The following NBAS variants were observed in gnomAD, a reference collection of about 807,000 sequenced individuals.
NBAS encodes NBAS subunit of NRZ tethering complex.
Under a neutral mutation model 302.5 loss-of-function variants are expected in NBAS, and 219 were observed. That is an observed-to-expected ratio of 0.72 (90% confidence interval 0.65 to 0.81). The LOEUF is 0.81. NBAS is among the 30% of genes least tolerant of loss of function. NBAS has a pLI of 0.00. For missense variants in NBAS, 2,932 were observed against 2,841.6 expected, an observed-to-expected ratio of 1.03 and a Z score of -0.72; for synonymous variants, 1,118 against 1,021.6, an observed-to-expected ratio of 1.09 and a Z score of -1.80.
intron 48 of NBAS, among the ~76,000 whole-genome samples, chr2:15,207,039 G>C (rs1222128373): frequency 6.6e-6 from 1 of 152,178 alleles, no homozygotes; most frequent in African/African-American, 2.4e-5. Context: ...TTCACCTACA[G>C]CTTGCACTGT....
chr2:15,123,487 A>C, the NBAS span, among the ~76,000 whole-genome samples: 8 of 152,158 alleles, frequency 5.3e-5, no homozygotes, highest in Non-Finnish European at 1.0e-4. Flanking sequence ...TACTAAAGGA[A>C]CATTTGTGGT....
the NBAS span, among the ~76,000 whole-genome samples, chr2:15,086,250 C>A: frequency 6.6e-6 from 1 of 152,156 alleles, no homozygotes; most frequent in Non-Finnish European, 1.5e-5. Context: ...CCCAGGGTCT[C>A]CCCTCTGAGA....
the NBAS span, among the ~76,000 whole-genome samples, chr2:14,811,249 A>C: frequency 6.6e-6 from 1 of 152,130 alleles, no homozygotes; most frequent in African/African-American, 2.4e-5. Flanking sequence ...ATCTACTAAC[A>C]AAACAAATTA....
At chr2:15,314,387 A>AC (rs1308265942) in intron 38 of NBAS, among the ~76,000 whole-genome samples, 2 of 152,148 alleles carry the variant, frequency 1.3e-5, no homozygotes, top group African/African-American at 4.8e-5. Context: ...AACAACAACA[A>AC]AAAACAAGTA....
chr2:15,183,965 C>G (rs938708607), intron 50 of NBAS, among the ~76,000 whole-genome samples: 9 of 152,154 alleles, frequency 5.9e-5, no homozygotes, highest in Admixed American at 3.9e-4. Flanking sequence ...AGTACCTCCC[C>G]CTGGCTGTAG....
At chr2:15,270,845 T>A (rs189094261) in intron 44 of NBAS, among the ~76,000 whole-genome samples, 1 of 152,218 alleles carries the variant, frequency 6.6e-6, no homozygotes, top group Admixed American at 6.5e-5. Flanking sequence ...ATATGGCACA[T>A]AGCAAATGCC....
chr2:15,364,742 G>A (rs985308308), intron 32 of NBAS, among the ~76,000 whole-genome samples: 2 of 152,090 alleles, frequency 1.3e-5, no homozygotes, highest in Admixed American at 6.5e-5. Context: ...ACCCAGACAT[G>A]TGAGTAATGC....
intron 49 of NBAS, among the ~76,000 whole-genome samples, chr2:15,187,899 A>T (rs1251777241): frequency 6.6e-6 from 1 of 152,306 alleles, no homozygotes; most frequent in Non-Finnish European, 1.5e-5. Context: ...CAAACTGACA[A>T]TCTGTGCGAA....
chr2:15,316,875 T>TGG (rs1343382718), intron 38 of NBAS, among the ~76,000 whole-genome samples: 2 of 152,130 alleles, frequency 1.3e-5, no homozygotes, highest in African/African-American at 4.8e-5. Context: ...AGAGCAGTGG[T>TGG]TCTCCCAGCA....
intron 19 of NBAS, among the ~76,000 whole-genome samples, chr2:15,462,310 A>G (rs1357931709): frequency 2.3e-4 from 35 of 152,202 alleles, no homozygotes. Context: ...ATCTAGTAGG[A>G]AAGACCAGGA....
At chr2:15,511,464 T>C (rs1483661321) in intron 9 of NBAS, 114 bp from the exon 10 acceptor site, 1 of 897,352 alleles carries the variant, frequency 1.1e-6, no homozygotes, top group South Asian at 1.5e-5. Flanking sequence ...ACTATTAATA[T>C]ATGTTAAACC....
intron 9 of NBAS, among the ~76,000 whole-genome samples, chr2:15,521,684 T>A (rs1662679032): frequency 6.6e-6 from 1 of 152,226 alleles, no homozygotes; most frequent in Non-Finnish European, 1.5e-5. Context: ...GATACAGTTC[T>A]AAGACAGGGT....
chr2:15,415,809 G>C (rs1676903301), intron 24 of NBAS, 90 bp from the exon 25 acceptor site: 2 of 1,379,520 alleles, frequency 1.4e-6, no homozygotes, highest in African/African-American at 1.4e-5. Context: ...AAAGCTTACA[G>C]GTCCTCAGAC....
At chr2:14,978,364 T>C in the NBAS span, among the ~76,000 whole-genome samples, 1 of 152,342 alleles carries the variant, frequency 6.6e-6, no homozygotes, top group Admixed American at 6.5e-5. Context: ...GAATTGCATC[T>C]TTACTCCTCT....
intron 48 of NBAS, among the ~76,000 whole-genome samples, chr2:15,214,876 T>C (rs1572462148): frequency 1.3e-5 from 2 of 152,204 alleles, no homozygotes; most frequent in East Asian, 3.8e-4. Flanking sequence ...GGTTAGATTG[T>C]CTTAAACTAA....
chr2:15,538,675 T>C (rs1558422908), intron 7 of NBAS, among the ~76,000 whole-genome samples: 1 of 152,210 alleles, frequency 6.6e-6, no homozygotes, highest in Non-Finnish European at 1.5e-5. Context: ...AGAGACATTA[T>C]TCACGGAATT....
At chr2:15,353,158 C>T (rs1673448981) in intron 34 of NBAS, among the ~76,000 whole-genome samples, 1 of 152,142 alleles carries the variant, frequency 6.6e-6, no homozygotes, top group Non-Finnish European at 1.5e-5. Context: ...CAACCAAAGC[C>T]CACCTCAATC....
At chr2:15,163,254 C>T (rs1387930504), downstream of NBAS, among the ~76,000 whole-genome samples, 3 of 152,196 alleles carry the variant, frequency 2.0e-5, no homozygotes, top group Non-Finnish European at 4.4e-5. Context: ...CAAGCCAAGT[C>T]CAGCATCCCC....
chr2:14,926,422 G>A, the NBAS span, among the ~76,000 whole-genome samples: 1 of 152,134 alleles, frequency 6.6e-6, no homozygotes, highest in African/African-American at 2.4e-5. Context: ...CTCCACTAAC[G>A]ATTAGCTGTT....
Sources: allele counts gnomAD v4.1 joint callset (sites outside exome capture counted in the v4.1 genomes callset), GRCh38; gene constraint gnomAD v4.1.1; transcripts MANE v1.5; gene names NCBI Gene and HGNC (gene_info 2026-07-23, HGNC 2026-07-21).